PLXNB2: variants seen among roughly 807,000 people sequenced by gnomAD.
The protein encoded by PLXNB2 is plexin-B2.
In PLXNB2, 85 loss-of-function variants were observed where a neutral mutation model predicts 202.6. The ratio of observed to expected loss-of-function variants is 0.42; its 90% CI spans 0.35 to 0.50. PLXNB2 has a LOEUF of 0.50. PLXNB2 is among the 20% of genes least tolerant of loss of function. The pLI, the probability that PLXNB2 is intolerant of heterozygous loss-of-function variation, is 0.02. For synonymous variants in PLXNB2, 1,239 were observed against 1,137.6 expected (o/e 1.09, Z -1.79); for missense variants, 2,063 against 2,586.2 (o/e 0.80, Z 4.39).
In PLXNB2 at chr22:50,281,920, A is replaced by G; in HGVS notation, c.3279T>C (p.Pro1093=). The G allele has an allele frequency of 6.2e-7, 1 of 1,613,140 alleles. No individual in the cohort carries two copies. The highest frequency in any genetic ancestry group is 8.5e-7 in the Non-Finnish European group (1 of 1,180,006). The change falls in exon 20 of 37, where the codon CCT becomes CCC. Residue 1093 remains proline, a synonymous_variant. Coordinates refer to ENST00000359337, the MANE Select transcript of PLXNB2 (RefSeq NM_012401.4). ...CTGTGAAGTTCTCAAAGGTGGGGTC[A>G]GGCACGTACTCGAAGGCCCCGGCCT... ...RTEAGAFEYV[P]DPTFENFTGG...
Position 50,284,522 on chromosome 22 carries a change from A to G in PLXNB2, c.2181+51T>C, listed in dbSNP as rs757980484. 5 of 1,280,216 alleles carry G rather than the reference A, an allele frequency of 3.9e-6. No homozygotes were observed. The African/African-American group carries it at 6.3e-5, about 16-fold the overall frequency. 79.3% of individuals were successfully genotyped at this position (1,280,216 alleles called of 1,614,324 possible). On this transcript the variant is annotated intron_variant, in intron 12 of 36. Transcript: ENST00000359337. The surrounding 1 kb of genome is among the most constrained non-coding windows in gnomAD (Gnocchi z 8.0). ...AGTCCTGAAGGTGACCCCCCACCCC[A>G]CCCGGGGCCCTGGGGTCCAGCAGCC...
chr22:50,277,784 G>A lies in PLXNB2; in HGVS notation c.5049-46C>T, dbSNP rs757031138. On this transcript the variant is annotated intron_variant, in intron 32 of 36. Transcript: ENST00000359337. Reference sequence around the variant, plus strand: ...ATGAGAGCCGGGGCTGGGCCGCGGGGTGGGTGTGGAGCCTCCCAAGTGAGA... The same window carrying A: ...ATGAGAGCCGGGGCTGGGCCGCGGGATGGGTGTGGAGCCTCCCAAGTGAGA... 4.4e-6 allele frequency: 7 copies of A among 1,598,634 alleles called. No homozygotes were observed. In the South Asian group the frequency reaches 7.7e-5, roughly 18 times the overall value.
chr22:50,278,369 A>C, intron 30 of PLXNB2, 66 bp downstream of exon 30: 2 of 1,564,268 alleles, frequency 1.3e-6, no homozygotes, highest in Non-Finnish European at 1.7e-6. Context: ...GCATGTGTCC[A>C]GGGCAGACAT....
intron 2 of PLXNB2, among the ~76,000 whole-genome samples, chr22:50,292,433 G>A (rs1257601545): frequency 1.3e-5 from 2 of 151,820 alleles, no homozygotes; most frequent in Non-Finnish European, 2.9e-5. Flanking sequence ...CGGCCAGGCT[G>A]ACCACGACAG....
At chr22:50,300,128 G>A in intron 1 of PLXNB2, 1 of 366,050 alleles carries the variant, frequency 2.7e-6, no homozygotes, top group Non-Finnish European at 3.8e-6. Context: ...TCGCGCACCT[G>A]GAGGGAGCAC....
rs1255276475 is a variant in PLXNB2, at chr22:50,278,436, C to T, written c.4731G>A (p.Glu1577=). 4 of 1,559,150 alleles carry T rather than the reference C, an allele frequency of 2.6e-6. No homozygotes were observed. Among genetic ancestry groups the T allele is most frequent in the Admixed American group, 3.9e-5 (2 of 51,750 alleles). Residue 1577 remains glutamate, a splice_region_variant and synonymous_variant, in exon 30 of 37, where the codon GAG becomes GAA. Coordinates refer to ENST00000359337, the MANE Select transcript of PLXNB2 (RefSeq NM_012401.4). ...AACGGGCAACAGGGAGGGACTCACGCTCCCCAGGCAGGTCCTGCTGGCTGT... is the reference window on the plus strand; with the variant it reads ...AACGGGCAACAGGGAGGGACTCACGTTCCCCAGGCAGGTCCTGCTGGCTGT... The part of the protein sequence containing the change: ...PEDSQQDLPG[E]RHALLEEENR...
In PLXNB2 at chr22:50,275,546, G is replaced by A; in HGVS notation, c.*158C>T. 1.5e-6 allele frequency: 1 copy of A among 652,448 alleles called. No individual in the cohort carries two copies. The highest frequency in any genetic ancestry group is 2.8e-6 in the Non-Finnish European group (1 of 355,074). The allele number at this position is 652,448 out of a possible 1,614,324, so 40.4% of individuals were successfully genotyped here. A position where few individuals can be genotyped will look rare whatever the true frequency, so the allele number is the denominator to read the frequency against. On this transcript the variant is annotated 3_prime_UTR_variant, in exon 37 of 37. Transcript: ENST00000359337. ...GTATTGCTCAGAGGAAGATGCTACA[G>A]TCTAGACGCTGGGCGGGTTCCGGCT...
At position 50,297,257 on chromosome 22, in the gene PLXNB2, C is replaced by T. The variant is rs573722873; in HGVS notation, c.-73-2479G>A. Among the ~76,000 whole-genome samples, 16 of 152,194 alleles carry T rather than the reference C, an allele frequency of 1.1e-4. No homozygotes were observed. The highest frequency in any genetic ancestry group is 1.9e-4 in the Non-Finnish European group (13 of 68,016). Reference sequence around the variant, plus strand: ...CCACTCCCTGCAGCACACCCCCAGGCTCCAGCCTCCACGGGCCCAGGCCCC... The same window carrying T: ...CCACTCCCTGCAGCACACCCCCAGGTTCCAGCCTCCACGGGCCCAGGCCCC... On this transcript the variant is annotated intron_variant, in intron 1 of 36. Coordinates refer to ENST00000359337, the MANE Select transcript of PLXNB2 (RefSeq NM_012401.4). This position sits in a 1 kb window ranked among gnomAD's most constrained non-coding sequence, Gnocchi z 5.3.
rs2065700006 is a variant in PLXNB2, at chr22:50,277,669, C to T, written c.5118G>A (p.Glu1706=). 2 of 1,608,988 alleles carry T rather than the reference C, an allele frequency of 1.2e-6. No homozygotes were observed. The highest frequency in any genetic ancestry group is 8.5e-7 in the Non-Finnish European group (1 of 1,177,158). The change falls in exon 33 of 37, where the codon GAG becomes GAA. Residue 1706 remains glutamate, a synonymous_variant. Transcript: ENST00000359337. ...PHFIFDVHVH[E]VVDASLSVIA... is the part of the protein sequence containing the mutation. ...TGACTGACAGCGAGGCGTCCACCAC[C>T]TCGTGGACATGCACGTCAAAGATGA... is the stretch of plus-strand genomic sequence containing the variant.
intron 1 of PLXNB2, among the ~76,000 whole-genome samples, chr22:50,304,196 G>A (rs953662150): frequency 1.9e-4 from 29 of 152,194 alleles, no homozygotes; most frequent in African/African-American, 7.0e-4. Flanking sequence ...CATCCCCGGG[G>A]GTGGGGCAAA....
In PLXNB2 at chr22:50,278,268, T is replaced by A; in HGVS notation, c.4736A>T (p.His1579Leu). 2 of 1,610,826 alleles carry A rather than the reference T, an allele frequency of 1.2e-6. No homozygotes were observed. The highest frequency in any genetic ancestry group is 1.7e-6 in the Non-Finnish European group (2 of 1,179,798). Residue 1579 changes from histidine to leucine, a missense_variant, in exon 31 of 37, where the codon CAT (histidine) becomes CTT (leucine). By Grantham distance (99) the His-to-Leu change is moderately conservative. Around this residue, in one of 2 missense-constraint regions of PLXNB2, gnomAD observed 760 missense variants for 1,109.4 expected, o/e 0.69. Coordinates refer to ENST00000359337, the MANE Select transcript of PLXNB2 (RefSeq NM_012401.4). ...CCGGTTCTCCTCCTCCAGGAGGGCA[T>A]GGCCTGTGGGGAGCGGGCACTGAGG... is the stretch of plus-strand genomic sequence containing the variant. ...DSQQDLPGER[H>L]ALLEEENRVW...
chr22:50,287,081 G>A (rs1357371266), intron 8 of PLXNB2, 30 bp downstream of exon 8: 3 of 1,474,396 alleles, frequency 2.0e-6, no homozygotes, highest in East Asian at 2.5e-5. Context: ...ACCGAGAAGG[G>A]CCACCCGGGG....
intron 18 of PLXNB2, 30 bp downstream of exon 18, chr22:50,282,681 C>A (rs1275060548): frequency 1.6e-5 from 24 of 1,516,328 alleles, no homozygotes; most frequent in Non-Finnish European, 2.1e-5. Context: ...GTGTGGGGAG[C>A]AGAGGGGGGC....
intron 7 of PLXNB2, 92 bp from the exon 8 acceptor site, chr22:50,287,356 C>T (rs1321830102): frequency 2.2e-6 from 3 of 1,364,710 alleles, no homozygotes; most frequent in South Asian, 1.5e-5. Flanking sequence ...TGTGGGCGCA[C>T]GTCCCAGTGG....
At chr22:50,283,019 A>C (rs1316034887) in intron 17 of PLXNB2, 31 bp downstream of exon 17, 1 of 1,593,900 alleles carries the variant, frequency 6.3e-7, no homozygotes, top group Admixed American at 1.7e-5. Flanking sequence ...GCCAGGGCCA[A>C]CCAGACTCAG....
Position 50,284,226 on chromosome 22 carries a change from CA to C in PLXNB2, c.2182-14del. 1 of 1,611,338 alleles carries C rather than the reference CA, an allele frequency of 6.2e-7. No homozygotes were observed. The highest frequency in any genetic ancestry group is 8.5e-7 in the Non-Finnish European group (1 of 1,178,530). On this transcript the variant is annotated splice_polypyrimidine_tract_variant and intron_variant, in intron 12 of 36. Transcript: ENST00000359337. This position sits in a 1 kb window ranked among gnomAD's most constrained non-coding sequence, Gnocchi z 8.0. ...CATCGTGGGACAGCTGGGGGACACG[CA>C]GGGGCACACTGCACTTCCTGCCCCC...
intron 1 of PLXNB2, among the ~76,000 whole-genome samples, chr22:50,299,223 G>A (rs1302161150): frequency 2.0e-5 from 3 of 151,850 alleles, no homozygotes; most frequent in African/African-American, 7.3e-5. Flanking sequence ...CATGGGCGGT[G>A]GAGAAGGCAG....
At chr22:50,294,081 G>A (rs28581366) in intron 2 of PLXNB2, among the ~76,000 whole-genome samples, 28,609 of 152,236 alleles carry the variant, frequency 0.19, 3,259 homozygotes, top group Non-Finnish European at 0.26. Flanking sequence ...GCAAAGCTCC[G>A]GCGGCGCAGG....
rs2066844329 is a variant in PLXNB2, at chr22:50,291,174, G to A, written c.-13-577C>T. Among the ~76,000 whole-genome samples, 2 of 152,162 alleles carry A rather than the reference G, an allele frequency of 1.3e-5. No individual in the cohort carries two copies. Among genetic ancestry groups the A allele is most frequent in the Non-Finnish European group, 1.5e-5 (1 of 68,012 alleles). On this transcript the variant is annotated intron_variant, in intron 2 of 36. Coordinates refer to ENST00000359337, the MANE Select transcript of PLXNB2 (RefSeq NM_012401.4). The surrounding 1 kb of genome is among the most constrained non-coding windows in gnomAD (Gnocchi z 4.3). ...TTACAACTGCCCGCCAGAGCCCCCAGGCGGCCTGAGCCTCCCTGACCACCT... is the reference window on the plus strand; with the variant it reads ...TTACAACTGCCCGCCAGAGCCCCCAAGCGGCCTGAGCCTCCCTGACCACCT...
Sources: allele counts gnomAD v4.1 joint callset (sites outside exome capture counted in the v4.1 genomes callset), GRCh38; gene constraint gnomAD v4.1.1; regional missense constraint gnomAD v4.1.1; non-coding constraint Gnocchi (gnomAD v3.1); transcripts MANE v1.5; gene names NCBI Gene and HGNC (gene_info 2026-07-23, HGNC 2026-07-21).